CFH: variants seen among roughly 807,000 people sequenced by gnomAD.
The protein encoded by CFH is H factor 1 (complement).
In CFH, 53 loss-of-function variants were observed where a neutral mutation model predicts 147.3. That is an observed-to-expected ratio of 0.36 (90% CI 0.29 to 0.45). The LOEUF (loss-of-function observed/expected upper bound fraction) is 0.45. Among genes scored for constraint, CFH ranks in the 20% least tolerant of loss-of-function variants. The pLI, the probability that CFH is intolerant of heterozygous loss-of-function variation, is 1.00. For synonymous variants in CFH, 536 were observed against 489.4 expected (o/e 1.10, Z -1.26); for missense variants, 1,380 against 1,498.0 (o/e 0.92, Z 1.30).
intron 9 of CFH, among the ~76,000 whole-genome samples, chr1:196,696,517 TA>T: frequency 6.6e-6 from 1 of 152,234 alleles, no homozygotes; most frequent in Non-Finnish European, 1.5e-5. Context: ...GGGAAAGATC[TA>T]AACTTGACAC....
Position 196,741,976 on chromosome 1 carries a change from A to G in CFH, c.3058A>G (p.Thr1020Ala), listed in dbSNP as rs867414181. ...AGEQVTYTCA[T>A]YYKMDGASNV... is the part of the protein sequence containing the mutation. ...TGAGCAAGTGACTTACACTTGTGCA[A>G]CATATTACAAAATGGATGGAGCCAG... Residue 1020 changes from threonine (T) to alanine (A), a missense_variant, in exon 19 of 22, where the codon ACA becomes GCA. By Grantham distance (58) the Thr-to-Ala change is moderately conservative. Coordinates refer to ENST00000367429, the MANE Select transcript of CFH (RefSeq NM_000186.4). 1 of 1,614,198 alleles carries G rather than the reference A, an allele frequency of 6.2e-7. No homozygotes were observed.
chr1:196,719,913 T>G (rs181617498), intron 11 of CFH, among the ~76,000 whole-genome samples: 1 of 151,822 alleles, frequency 6.6e-6, no homozygotes, highest in South Asian at 2.1e-4. Flanking sequence ...ATATTAATTA[T>G]GTGTTTTTTA....
intron 21 of CFH, among the ~76,000 whole-genome samples, chr1:196,746,761 C>T (rs1653023631): frequency 6.6e-6 from 1 of 152,036 alleles, no homozygotes; most frequent in Non-Finnish European, 1.5e-5. Flanking sequence ...ATGTTTGATT[C>T]CAAGTTCTTA....
At chr1:196,736,201 A>G (rs907389832) in intron 15 of CFH, among the ~76,000 whole-genome samples, 1 of 152,130 alleles carries the variant, frequency 6.6e-6, no homozygotes, top group Non-Finnish European at 1.5e-5. Flanking sequence ...AACTGGGTGC[A>G]TAACATCCAT....
At chr1:196,693,874 A>G (rs1668152997) in intron 9 of CFH, among the ~76,000 whole-genome samples, 1 of 152,084 alleles carries the variant, frequency 6.6e-6, no homozygotes, top group Non-Finnish European at 1.5e-5. Context: ...CTGTTAAGAA[A>G]AATATTCATC....
At chr1:196,729,298 T>C (rs1014051425) in intron 15 of CFH, among the ~76,000 whole-genome samples, 1 of 152,028 alleles carries the variant, frequency 6.6e-6, no homozygotes, top group Non-Finnish European at 1.5e-5. Context: ...GTTCTACAGT[T>C]TTTTCTTGAA....
At chr1:196,711,936 A>T (rs1301047913) in intron 9 of CFH, among the ~76,000 whole-genome samples, 4 of 151,988 alleles carry the variant, frequency 2.6e-5, no homozygotes, top group East Asian at 3.9e-4. Context: ...TTCACTCCAT[A>T]GTTTCTTCTT....
chr1:196,738,884 G>A (rs1368601852), intron 17 of CFH, among the ~76,000 whole-genome samples: 2 of 152,178 alleles, frequency 1.3e-5, no homozygotes, highest in African/African-American at 4.8e-5. Flanking sequence ...GGTTCTCCAT[G>A]TGGGCTCCCC....
chr1:196,702,523 G>GAA (rs764708240), intron 9 of CFH, among the ~76,000 whole-genome samples: 2 of 74,160 alleles, frequency 2.7e-5, no homozygotes, highest in Non-Finnish European at 2.7e-5. Context: ...GAACAGGATT[G>GAA]AAAAAAAAAA....
intron 5 of CFH, 146 bp from the exon 6 acceptor site, chr1:196,679,477 A>C: frequency 1.8e-6 from 1 of 564,540 alleles, no homozygotes; most frequent in East Asian, 3.0e-5. Flanking sequence ...TAAATCATTT[A>C]TTAAGCGGTC....
At chr1:196,692,150 G>A (rs1668046971) in intron 9 of CFH, among the ~76,000 whole-genome samples, 1 of 151,936 alleles carries the variant, frequency 6.6e-6, no homozygotes, top group African/African-American at 2.4e-5. Context: ...TTTATTTTGA[G>A]ATAGAATCTC....
intron 5 of CFH, 142 bp downstream of exon 5, chr1:196,677,809 T>C: frequency 1.3e-6 from 1 of 786,226 alleles, no homozygotes; most frequent in Non-Finnish European, 2.1e-6. Context: ...GTAATTGAGC[T>C]AAGTTCTTTG....
chr1:196,719,830 T>G (rs1668956991), intron 11 of CFH, among the ~76,000 whole-genome samples: 1 of 151,758 alleles, frequency 6.6e-6, no homozygotes, highest in Non-Finnish European at 1.5e-5. Flanking sequence ...AACATAAATA[T>G]TCAGGATACC....
intron 5 of CFH, 177 bp downstream of exon 5, chr1:196,677,844 C>A: frequency 1.6e-6 from 1 of 610,476 alleles, no homozygotes; most frequent in Non-Finnish European, 2.9e-6. Context: ...TTTTAACTTT[C>A]AAAAAACTCC....
chr1:196,718,708 C>T (rs955507176), intron 11 of CFH, among the ~76,000 whole-genome samples: 6 of 151,996 alleles, frequency 3.9e-5, no homozygotes, highest in African/African-American at 1.4e-4. Context: ...GAATATATTG[C>T]TTCAGTAGTC....
chr1:196,717,249 T>C (rs1370170698), intron 11 of CFH, among the ~76,000 whole-genome samples: 2 of 152,098 alleles, frequency 1.3e-5, no homozygotes, highest in African/African-American at 2.4e-5. Context: ...GCAAGTCTAT[T>C]TGAAGCTTTG....
At chr1:196,698,582 A>G (rs1205630498) in intron 9 of CFH, among the ~76,000 whole-genome samples, 1 of 152,204 alleles carries the variant, frequency 6.6e-6, no homozygotes, top group African/African-American at 2.4e-5. Context: ...GGTAGTAATT[A>G]ATAGCCTGCC....
chr1:196,694,576 CCA>C (rs981998229), intron 9 of CFH, among the ~76,000 whole-genome samples: 1 of 151,906 alleles, frequency 6.6e-6, no homozygotes, highest in Non-Finnish European at 1.5e-5. Context: ...TGAGGAGTTG[CCA>C]CACTGTCTTC....
chr1:196,709,349 G>A (rs1668671307), intron 9 of CFH, among the ~76,000 whole-genome samples: 1 of 152,076 alleles, frequency 6.6e-6, no homozygotes, highest in Non-Finnish European at 1.5e-5. Context: ...GTACTAACAT[G>A]TTCATCCAGC....
Sources: gnomAD v4.1 joint callset for allele counts (sites outside exome capture counted in the v4.1 genomes callset) on GRCh38, gnomAD v4.1.1 for gene constraint, MANE v1.5 for transcripts, NCBI Gene and HGNC (gene_info 2026-07-23, HGNC 2026-07-21) for gene names.